LIPH: variants seen among roughly 807,000 people sequenced by gnomAD.
The protein encoded by LIPH is lipase H, also known as lipase member H.
Under a neutral mutation model 47.6 loss-of-function variants are expected in LIPH, and 32 were observed. The observed-to-expected ratio is 0.67, with a 90% CI of 0.51 to 0.90. LIPH has a LOEUF of 0.90. Ranked by LOEUF, LIPH falls within the 40% of genes least tolerant of loss-of-function variation. LIPH has a pLI of 0.00. For missense variants in LIPH, 497 were observed against 541.4 expected, an observed-to-expected ratio of 0.92 and a Z score of 0.81; for synonymous variants, 190 against 195.6, an observed-to-expected ratio of 0.97 and a Z score of 0.24.
intron 4 of LIPH, among the ~76,000 whole-genome samples, chr3:185,526,637 T>TAGA (rs10674006): frequency 7.2e-6 from 1 of 138,928 alleles, no homozygotes; most frequent in African/African-American, 2.7e-5. Flanking sequence ...AAATATAAAA[T>TAGA]AAATAAAATA....
intron 1 of LIPH, among the ~76,000 whole-genome samples, chr3:185,548,336 C>T (rs367728304): frequency 2.2e-4 from 33 of 151,108 alleles, no homozygotes; most frequent in East Asian, 1.4e-3. Context: ...ACCAGGGAGG[C>T]GGAGGTTGCA....
At chr3:185,542,398 C>T (rs1312745881) in intron 1 of LIPH, among the ~76,000 whole-genome samples, 1 of 152,078 alleles carries the variant, frequency 6.6e-6, no homozygotes. Context: ...TCACTGCAAC[C>T]TCCACCTCCC....
rs949957261 is a variant in LIPH at position 185,514,474 on chromosome 3, T to C, written c.1030A>G (p.Arg344Gly). 4 of 1,576,884 alleles carry C rather than the reference T, an allele frequency of 2.5e-6. No homozygotes were observed. The highest frequency in any genetic ancestry group is 1.3e-5 in the African/African-American group (1 of 74,234). Residue 344 changes from arginine to glycine, a missense_variant, in exon 8 of 10, where the codon AGA (arginine) becomes GGA (glycine). Physicochemically the swap from Arg to Gly is moderately radical, Grantham distance 125. Coordinates refer to ENST00000296252, the MANE Select transcript of LIPH (RefSeq NM_139248.3). ...CTCAATTTGATGGTAATGTCCCCTCTTCTTACATTCTTGTTCCATGTTATA... is the reference window on the plus strand; with the variant it reads ...CTCAATTTGATGGTAATGTCCCCTCCTCTTACATTCTTGTTCCATGTTATA... Reference protein sequence around the residue: ...DIITWNKNVRRGDITIKLRDK... With the variant: ...DIITWNKNVRGGDITIKLRDK...
chr3:185,514,503 T>G lies in LIPH; in HGVS notation c.1001A>C (p.Asp334Ala), dbSNP rs1462371101. Residue 334 changes from aspartate (D) to alanine (A), a missense_variant, in exon 8 of 10, where the codon GAT becomes GCT. Transcript: ENST00000296252. ...SPFCMYHYFV[D>A]IITWNKNVRR... ...TACATTCTTGTTCCATGTTATAATATCCACAAAGTAATGATACACTGCAAA... is the reference window on the plus strand; with the variant it reads ...TACATTCTTGTTCCATGTTATAATAGCCACAAAGTAATGATACACTGCAAA... 2 of 1,420,160 alleles carry G rather than the reference T, an allele frequency of 1.4e-6. No homozygotes were observed. The highest frequency in any genetic ancestry group is 3.3e-5 in the Admixed American group (2 of 59,756). The allele number at this position is 1,420,160 out of a possible 1,614,324, so 88.0% of individuals were successfully genotyped here. A position where few individuals can be genotyped will look rare whatever the true frequency, so the allele number is the denominator to read the frequency against.
At chr3:185,546,983 A>G (rs758900620) in intron 1 of LIPH, 4 of 437,890 alleles carry the variant, frequency 9.1e-6, no homozygotes, top group Non-Finnish European at 1.8e-5. Context: ...CTGTGAAAAA[A>G]GAAGACAGAA....
chr3:185,528,323 G>GAAGAAAGAAAGAAAGAAAGA (rs11457702), intron 3 of LIPH, among the ~76,000 whole-genome samples: 30,439 of 125,236 alleles, frequency 0.24, 4,480 homozygotes, highest in East Asian at 0.31. Context: ...AAGAAAGAAA[G>GAAGAAAGAAAGAAAGAAAGA]AAGAAAGAAA....
rs757679211 is a variant in LIPH, at chr3:185,534,828, G to T, written c.354C>A (p.Thr118=). The change falls in exon 2 of 10, where the codon ACC becomes ACA. Residue 118 remains threonine (T), a synonymous_variant. Coordinates refer to ENST00000296252, the MANE Select transcript of LIPH (RefSeq NM_139248.3). ...WNRGATTLIY[T]HASSKTRKVA... is the part of the protein sequence containing the mutation. ...CTTTTCTGGTCTTACTAGAGGCATGGGTATATATTAAAGTTGTAGCTCCTC... is the reference window on the plus strand; with the variant it reads ...CTTTTCTGGTCTTACTAGAGGCATGTGTATATATTAAAGTTGTAGCTCCTC... The T allele has an allele frequency of 1.2e-6, 2 of 1,613,148 alleles. No homozygotes were observed. The highest frequency in any genetic ancestry group is 3.3e-5 in the Admixed American group (2 of 59,986).
intron 3 of LIPH, among the ~76,000 whole-genome samples, chr3:185,529,193 G>GAAAAAAAA: frequency 8.6e-6 from 1 of 116,868 alleles, no homozygotes; most frequent in Non-Finnish European, 1.7e-5. Context: ...AAAAAAAAAA[G>GAAAAAAAA]AAAAAAAGAA....
intron 6 of LIPH, 145 bp downstream of exon 6, chr3:185,518,997 T>C: frequency 1.4e-6 from 1 of 712,770 alleles, no homozygotes; most frequent in Non-Finnish European, 2.5e-6. Context: ...GTGCTGGGAT[T>C]ACAGGCATGA....
At chr3:185,531,410 G>A (rs964040525) in intron 3 of LIPH, among the ~76,000 whole-genome samples, 3 of 151,878 alleles carry the variant, frequency 2.0e-5, no homozygotes, top group African/African-American at 7.3e-5. Flanking sequence ...GCCAGGCATG[G>A]TGGTGCACGC....
chr3:185,551,453 C>T (rs1013771161), intron 1 of LIPH, among the ~76,000 whole-genome samples: 7 of 152,084 alleles, frequency 4.6e-5, no homozygotes, highest in Admixed American at 2.6e-4. Context: ...AAAATGTTTG[C>T]TTATTTCTGC....
At chr3:185,516,490 ACAAGACTGTAGGAAAAACACATCTGCC>A (rs1305158549) in intron 7 of LIPH, among the ~76,000 whole-genome samples, 1 of 152,204 alleles carries the variant, frequency 6.6e-6, no homozygotes, top group Non-Finnish European at 1.5e-5. Flanking sequence ...GAAAATGGGT[ACAAGACTGTAGGAAAAACACATCTGCC>A]CAAGGAAATT....
In LIPH at chr3:185,552,498, C is replaced by A. The variant is rs1270434731; in HGVS notation, c.-27G>T. On this transcript the variant is annotated 5_prime_UTR_variant, in exon 1 of 10. An upstream start codon of the reference 5' UTR is lost. Coordinates refer to ENST00000296252, the MANE Select transcript of LIPH (RefSeq NM_139248.3). ...TGGAAACTGGAGAGATCGTGTGTCA[C>A]ATTCACAAGAATGATTTACTTCGCA... The A allele has an allele frequency of 6.5e-7, 1 of 1,527,988 alleles. No homozygotes were observed. Among genetic ancestry groups the A allele is most frequent in the Non-Finnish European group, 9.1e-7 (1 of 1,101,786 alleles). The allele number at this position is 1,527,988 out of a possible 1,614,324, so 94.7% of individuals were successfully genotyped here.
At chr3:185,544,343 T>TG (rs59151519) in intron 1 of LIPH, among the ~76,000 whole-genome samples, 6,664 of 151,868 alleles carry the variant, frequency 0.044, 292 homozygotes, top group East Asian at 0.24. Flanking sequence ...TCTGTTGTTT[T>TG]TTTTTGTTTT....
At chr3:185,521,209 C>T (rs576324984) in intron 5 of LIPH, among the ~76,000 whole-genome samples, 1 of 152,268 alleles carries the variant, frequency 6.6e-6, no homozygotes, top group Admixed American at 6.5e-5. Context: ...TTTGACTCTG[C>T]TTTTCTCAAT....
At chr3:185,514,582 C>T (rs1465200183) in intron 7 of LIPH, 61 bp from the exon 8 acceptor site, 1 of 786,596 alleles carries the variant, frequency 1.3e-6, no homozygotes, top group Non-Finnish European at 2.3e-6. Flanking sequence ...CCCTGAAGGG[C>T]TGGTTCCTAA....
intron 3 of LIPH, among the ~76,000 whole-genome samples, 196 bp downstream of exon 3, chr3:185,533,375 T>C (rs1315098690): frequency 1.3e-5 from 2 of 152,212 alleles, no homozygotes; most frequent in East Asian, 3.8e-4. Flanking sequence ...ACAAAATGCT[T>C]TACTTATGTT....
chr3:185,546,609 G>A (rs1038159203), intron 1 of LIPH, among the ~76,000 whole-genome samples: 6 of 152,134 alleles, frequency 3.9e-5, no homozygotes, highest in Non-Finnish European at 8.8e-5. Context: ...GACCCGCCTG[G>A]AACAATAAGG....
chr3:185,547,062 A>C, intron 1 of LIPH: 1 of 346,174 alleles, frequency 2.9e-6, no homozygotes, highest in Non-Finnish European at 5.6e-6. Context: ...AATTGTTTGA[A>C]CCCGGGAGGC....
Sources: gnomAD v4.1 joint callset for allele counts (sites outside exome capture counted in the v4.1 genomes callset) on GRCh38, gnomAD v4.1.1 for gene constraint, MANE v1.5 for transcripts, NCBI Gene and HGNC (gene_info 2026-07-23, HGNC 2026-07-21) for gene names.